Variants in PPP1R9A observed in about 807,000 individuals in gnomAD.
PPP1R9A encodes the protein protein phosphatase 1 regulatory subunit 9A.
Under a neutral mutation model 141.9 loss-of-function variants are expected in PPP1R9A, and 59 were observed. The observed-to-expected ratio is 0.42, with a 90% CI of 0.34 to 0.52. The LOEUF (loss-of-function observed/expected upper bound fraction) is 0.52, where lower values mean the gene tolerates loss of function less well. Among genes scored for constraint, PPP1R9A ranks in the 20% least tolerant of loss-of-function variants. PPP1R9A has a pLI of 0.10. For synonymous variants in PPP1R9A, 500 were observed against 569.7 expected, an observed-to-expected ratio of 0.88 and a Z score of 1.74; for missense variants, 1,444 against 1,611.9, an observed-to-expected ratio of 0.90 and a Z score of 1.78.
intron 2 of PPP1R9A, among the ~76,000 whole-genome samples, chr7:94,953,868 A>G (rs911541588): frequency 6.6e-6 from 1 of 152,086 alleles, no homozygotes. Flanking sequence ...GGCTGAGACG[A>G]TGGGGTTTTC....
At chr7:95,003,160 A>T (rs1161572177) in intron 2 of PPP1R9A, among the ~76,000 whole-genome samples, 1 of 152,168 alleles carries the variant, frequency 6.6e-6, no homozygotes, top group African/African-American at 2.4e-5. Context: ...TTCTTTAATA[A>T]GTAATTTTAG....
At chr7:94,920,774 T>C (rs980605676) in intron 2 of PPP1R9A, among the ~76,000 whole-genome samples, 2 of 152,232 alleles carry the variant, frequency 1.3e-5, no homozygotes, top group African/African-American at 4.8e-5. Context: ...AAGGTTTCTT[T>C]ACAGGAATAA....
At chr7:95,158,558 A>G (rs1829992844) in intron 4 of PPP1R9A, among the ~76,000 whole-genome samples, 1 of 152,180 alleles carries the variant, frequency 6.6e-6, no homozygotes, top group Non-Finnish European at 1.5e-5. Context: ...TACTTCTTAA[A>G]CAAAACACAA....
chr7:95,228,785 C>T (rs921865627), intron 8 of PPP1R9A, among the ~76,000 whole-genome samples: 1 of 151,970 alleles, frequency 6.6e-6, no homozygotes, highest in Non-Finnish European at 1.5e-5. Flanking sequence ...TCTTTTAATC[C>T]AAGTTCATGG....
At chr7:95,082,239 G>T (rs1460426295) in intron 2 of PPP1R9A, among the ~76,000 whole-genome samples, 1 of 152,186 alleles carries the variant, frequency 6.6e-6, no homozygotes, top group African/African-American at 2.4e-5. Flanking sequence ...AATAGGAGAA[G>T]CTGGGGAATT....
intron 2 of PPP1R9A, among the ~76,000 whole-genome samples, chr7:95,069,048 A>AAT (rs1182588389): frequency 6.6e-6 from 1 of 152,190 alleles, no homozygotes; most frequent in Non-Finnish European, 1.5e-5. Flanking sequence ...GATTACTTAT[A>AAT]ATACCTAATG....
intron 2 of PPP1R9A, among the ~76,000 whole-genome samples, chr7:95,092,232 T>C (rs1817452953): frequency 6.6e-6 from 1 of 152,132 alleles, no homozygotes; most frequent in African/African-American, 2.4e-5. Flanking sequence ...TGACAGCTGA[T>C]GGATATACTT....
intron 2 of PPP1R9A, among the ~76,000 whole-genome samples, chr7:95,046,084 T>TC (rs1487098637): frequency 6.7e-6 from 1 of 149,934 alleles, no homozygotes; most frequent in Non-Finnish European, 1.5e-5. Flanking sequence ...TCTTTTCTTT[T>TC]TTTTTTTTTT....
At chr7:95,182,186 G>GTA (rs374287025) in intron 5 of PPP1R9A, among the ~76,000 whole-genome samples, 61 of 151,366 alleles carry the variant, frequency 4.0e-4, no homozygotes, top group African/African-American at 1.4e-3. Context: ...AAATAAAAAT[G>GTA]TATATATAGG....
chr7:95,055,124 A>G (rs945331089), intron 2 of PPP1R9A, among the ~76,000 whole-genome samples: 1 of 152,144 alleles, frequency 6.6e-6, no homozygotes, highest in Non-Finnish European at 1.5e-5. Context: ...TTAAGTGGAG[A>G]TAATATGTGC....
At chr7:95,112,205 A>G (rs79387577) in intron 3 of PPP1R9A, among the ~76,000 whole-genome samples, 1 of 149,494 alleles carries the variant, frequency 6.7e-6, no homozygotes, top group East Asian at 1.9e-4. Context: ...CAAATACTCA[A>G]CAACAACAAC....
chr7:94,961,958 A>G (rs769353614), intron 2 of PPP1R9A, among the ~76,000 whole-genome samples: 2 of 151,876 alleles, frequency 1.3e-5, no homozygotes, highest in Non-Finnish European at 2.9e-5. Flanking sequence ...TTCTATGAGA[A>G]ATGTATTGAA....
At chr7:95,088,227 A>G (rs1322555004) in intron 2 of PPP1R9A, among the ~76,000 whole-genome samples, 1 of 151,936 alleles carries the variant, frequency 6.6e-6, no homozygotes, top group Non-Finnish European at 1.5e-5. Flanking sequence ...TGTAATAGTC[A>G]ATATAATTTA....
intron 2 of PPP1R9A, among the ~76,000 whole-genome samples, chr7:95,081,065 G>C (rs190905167): frequency 6.6e-6 from 1 of 152,280 alleles, no homozygotes; most frequent in Non-Finnish European, 1.5e-5. Context: ...AATTAATTCA[G>C]AAGGGTATGT....
intron 10 of PPP1R9A, 78 bp from the exon 11 acceptor site, chr7:95,251,684 A>G (rs755661484): frequency 4.6e-6 from 6 of 1,304,814 alleles, no homozygotes; most frequent in Non-Finnish European, 6.4e-6. Flanking sequence ...TTATCCTACT[A>G]TGCAGTTTAT....
chr7:95,058,817 T>A (rs2152058932), intron 2 of PPP1R9A, among the ~76,000 whole-genome samples: 2 of 151,868 alleles, frequency 1.3e-5, no homozygotes, highest in African/African-American at 4.8e-5. Flanking sequence ...TGAGATGAAG[T>A]CTCGCTCTGT....
chr7:95,176,269 T>G (rs1563360298), intron 5 of PPP1R9A, among the ~76,000 whole-genome samples: 1 of 151,986 alleles, frequency 6.6e-6, no homozygotes, highest in Non-Finnish European at 1.5e-5. Context: ...TAACTACAAC[T>G]TCACTGTTAG....
chr7:95,080,748 A>G (rs375039144), intron 2 of PPP1R9A, among the ~76,000 whole-genome samples: 14 of 152,126 alleles, frequency 9.2e-5, no homozygotes, highest in African/African-American at 3.4e-4. Flanking sequence ...AATAATCAAT[A>G]TGCAAAAGAG....
At chr7:95,058,713 T>G (rs1811814321) in intron 2 of PPP1R9A, among the ~76,000 whole-genome samples, 1 of 151,864 alleles carries the variant, frequency 6.6e-6, no homozygotes, top group African/African-American at 2.4e-5. Flanking sequence ...AGAAAAGGGA[T>G]GGGAGTGGGA....
Sources: allele counts gnomAD v4.1 joint callset (sites outside exome capture counted in the v4.1 genomes callset), GRCh38; gene constraint gnomAD v4.1.1; transcripts MANE v1.5; gene names NCBI Gene and HGNC (gene_info 2026-07-23, HGNC 2026-07-21).